PSME3IP1: variants seen among roughly 807,000 people sequenced by gnomAD.
The protein encoded by PSME3IP1 is PSME3-interacting protein.
Under a neutral mutation model 34.1 loss-of-function variants are expected in PSME3IP1, and 13 were observed. That is an observed-to-expected ratio of 0.38 (90% CI 0.25 to 0.61). PSME3IP1 has a LOEUF of 0.61. Ranked by LOEUF, PSME3IP1 falls within the 20% of genes least tolerant of loss-of-function variation. The probability of loss-of-function intolerance (pLI) is 0.60; values close to 1 mark genes in which losing one functional copy is unlikely to be tolerated. For missense variants in PSME3IP1, 237 were observed against 301.4 expected (o/e 0.79, Z 1.58); for synonymous variants, 93 against 114.3 (o/e 0.81, Z 1.19).
chr16:57,167,108 G>C lies in PSME3IP1; in HGVS notation c.467C>G (p.Ala156Gly). 6.2e-7 allele frequency: 1 copy of C among 1,613,754 alleles called. No homozygotes were observed. The highest frequency in any genetic ancestry group is 8.5e-7 in the Non-Finnish European group (1 of 1,180,036). ...KFSQAKLLAG[A>G]VKHKSSESGN... ...GCTGACTAACCTCTTATGCTTCACA[G>C]CTCCTGCCAACAGCTTCGCCTGGGA... Residue 156 changes from alanine to glycine, a missense_variant, in exon 5 of 7, where the codon GCT becomes GGT. Coordinates refer to ENST00000309137, the MANE Select transcript of PSME3IP1 (RefSeq NM_024946.4).
At position 57,168,212 on chromosome 16, in the gene PSME3IP1, C is replaced by T. The variant is rs951894845; in HGVS notation, c.349-986G>A. ...TCTAGTGCCCAGGAAATCTAAGAAG[C>T]ATGAATTATCAGCCCAAAAAGGTGG... is the stretch of plus-strand genomic sequence containing the variant. On this transcript the variant is annotated intron_variant, in intron 4 of 6. Coordinates refer to ENST00000309137, the MANE Select transcript of PSME3IP1 (RefSeq NM_024946.4). Among the ~76,000 whole-genome samples the T allele has an allele frequency of 2.0e-5, 3 of 152,256 alleles. No individual in the cohort carries two copies. The East Asian group carries it at 5.8e-4, about 29-fold the overall frequency.
At chr16:57,172,523 A>G (rs2072707399) in intron 3 of PSME3IP1, 151 bp from the exon 4 acceptor site, 1 of 892,632 alleles carries the variant, frequency 1.1e-6, no homozygotes, top group East Asian at 2.6e-5. Context: ...ATAACAGGGC[A>G]TAAAAAAAAA....
At chr16:57,165,003 C>T (rs1335501655) in intron 5 of PSME3IP1, among the ~76,000 whole-genome samples, 2 of 142,292 alleles carry the variant, frequency 1.4e-5, no homozygotes, top group Non-Finnish European at 3.0e-5. Flanking sequence ...CCAGCCTGGG[C>T]GACAAGAGTG....
intron 1 of PSME3IP1, among the ~76,000 whole-genome samples, chr16:57,184,161 G>A (rs1206918956): frequency 6.6e-6 from 1 of 151,782 alleles, no homozygotes; most frequent in African/African-American, 2.4e-5. Context: ...GAAATAACTT[G>A]AGAATAAATT....
chr16:57,176,875 GAC>G (rs1274648573), intron 1 of PSME3IP1, among the ~76,000 whole-genome samples: 1 of 150,826 alleles, frequency 6.6e-6, no homozygotes, highest in Non-Finnish European at 1.5e-5. Flanking sequence ...TTTTTTTTAA[GAC>G]AGAGTCTCGC....
chr16:57,157,905 C>T (rs1178162215), intron 6 of PSME3IP1, among the ~76,000 whole-genome samples: 1 of 152,162 alleles, frequency 6.6e-6, no homozygotes, highest in Non-Finnish European at 1.5e-5. Context: ...TCTGTAACCC[C>T]AAGAGCATCC....
At chr16:57,181,551 T>C (rs1300466963) in intron 1 of PSME3IP1, 2 of 152,194 alleles carry the variant, frequency 1.3e-5, no homozygotes, top group Non-Finnish European at 1.5e-5. Flanking sequence ...TGACACTACC[T>C]ACCTGGATGG....
At chr16:57,166,636 A>G (rs1450109592) in intron 5 of PSME3IP1, among the ~76,000 whole-genome samples, 1 of 152,156 alleles carries the variant, frequency 6.6e-6, no homozygotes, top group African/African-American at 2.4e-5. Context: ...TACACCCTAC[A>G]CAGATCCTTT....
intron 6 of PSME3IP1, among the ~76,000 whole-genome samples, chr16:57,155,780 T>A (rs1326334932): frequency 2.0e-5 from 3 of 152,062 alleles, no homozygotes; most frequent in African/African-American, 7.3e-5. Context: ...CACTCCAGCC[T>A]GGGCAACAGA....
chr16:57,177,568 T>TA (rs1157716781), intron 1 of PSME3IP1, among the ~76,000 whole-genome samples: 58 of 149,892 alleles, frequency 3.9e-4, no homozygotes, highest in African/African-American at 1.2e-3. Context: ...AATGCATATT[T>TA]AAAAAAAAAA....
chr16:57,178,300 T>C (rs1489812517), intron 1 of PSME3IP1, among the ~76,000 whole-genome samples: 3 of 152,200 alleles, frequency 2.0e-5, no homozygotes, highest in Non-Finnish European at 2.9e-5. Flanking sequence ...GACCATCTCC[T>C]TTATGAAGCT....
chr16:57,185,792 C>G (rs1454393841), intron 1 of PSME3IP1, 29 bp downstream of exon 1: 2 of 985,360 alleles, frequency 2.0e-6, no homozygotes, highest in Non-Finnish European at 2.4e-6. Flanking sequence ...CAGGTGTCGC[C>G]GCCAGGCCAG....
At position 57,167,227 on chromosome 16, in the gene PSME3IP1, G is replaced by T. The variant is rs1285359261; in HGVS notation, c.349-1C>A. The T allele has an allele frequency of 1.2e-6, 2 of 1,614,196 alleles. No homozygotes were observed. The highest frequency in any genetic ancestry group is 1.7e-6 in the Non-Finnish European group (2 of 1,180,032). ...AAATTCCAACCTTCTTGAGGTTATT[G>T]TGAGTTACCAGTTAAGGGTCAAACT... On this transcript the variant is annotated splice_acceptor_variant, in intron 4 of 6. Transcript: ENST00000309137. LOFTEE classifies it high-confidence loss of function.
rs527931928 is a variant in PSME3IP1, at chr16:57,177,011, T to C, written c.-15-3142A>G. Among the ~76,000 whole-genome samples the C allele has an allele frequency of 1.1e-4, 17 of 152,210 alleles. No homozygotes were observed. In the South Asian group the frequency reaches 3.5e-3, roughly 32 times the overall value. On this transcript the variant is annotated intron_variant, in intron 1 of 6. Coordinates refer to ENST00000309137, the MANE Select transcript of PSME3IP1 (RefSeq NM_024946.4). ...CTGGGATTACAGGTGTGTGCTACCA[T>C]GCCCGGCTAATTTTTGTATTTTTAG... is the stretch of plus-strand genomic sequence containing the variant.
chr16:57,178,109 T>A (rs1225342522), intron 1 of PSME3IP1, among the ~76,000 whole-genome samples: 1 of 152,246 alleles, frequency 6.6e-6, no homozygotes, highest in African/African-American at 2.4e-5. Flanking sequence ...TTTCTGTAAG[T>A]TTAAAAAGAC....
At chr16:57,177,925 G>A (rs2073346261) in intron 1 of PSME3IP1, among the ~76,000 whole-genome samples, 1 of 152,148 alleles carries the variant, frequency 6.6e-6, no homozygotes, top group Admixed American at 6.5e-5. Flanking sequence ...GGAGGCTAAG[G>A]CTGCAGTGAC....
At position 57,154,463 on chromosome 16, in the gene PSME3IP1, G is replaced by C; in HGVS notation, c.592C>G (p.Pro198Ala). The C allele has an allele frequency of 1.2e-6, 2 of 1,613,622 alleles. No individual in the cohort carries two copies. Among genetic ancestry groups the C allele is most frequent in the Non-Finnish European group, 1.7e-6 (2 of 1,179,676 alleles). Residue 198 changes from proline (P) to alanine (A), a missense_variant, in exon 7 of 7, where the codon CCC becomes GCC. Transcript: ENST00000309137. The surrounding 1 kb of genome is among the most constrained non-coding windows in gnomAD (Gnocchi z 4.0). ...KSLGNTSLSGPSIHCPSAAVC... is the reference protein window; with the variant it reads ...KSLGNTSLSGASIHCPSAAVC... Reference sequence around the variant, plus strand: ...GCAGCAGAGGGGCAGTGGATGGAGGGGCCACTCAGGGAGGTGTTTCCGAGA... The same window carrying C: ...GCAGCAGAGGGGCAGTGGATGGAGGCGCCACTCAGGGAGGTGTTTCCGAGA...
chr16:57,163,872 G>A, intron 6 of PSME3IP1, 129 bp downstream of exon 6: 1 of 960,886 alleles, frequency 1.0e-6, no homozygotes, highest in South Asian at 1.5e-5. Flanking sequence ...AAAAAGTTGG[G>A]TAAATTAAGC....
chr16:57,168,024 G>A (rs1421380648), intron 4 of PSME3IP1, among the ~76,000 whole-genome samples: 2 of 152,064 alleles, frequency 1.3e-5, no homozygotes, highest in Non-Finnish European at 2.9e-5. Flanking sequence ...TTTTTGTCGG[G>A]GAGGTCACTT....
Sources: allele counts gnomAD v4.1 joint callset (sites outside exome capture counted in the v4.1 genomes callset), GRCh38; gene constraint gnomAD v4.1.1; non-coding constraint Gnocchi (gnomAD v3.1); transcripts MANE v1.5; gene names NCBI Gene and HGNC (gene_info 2026-07-23, HGNC 2026-07-21).